The following NR1H4 variants were observed in gnomAD, a reference collection of about 807,000 sequenced individuals.
NR1H4 encodes the protein nuclear receptor subfamily 1 group H member 4.
In NR1H4, 23 loss-of-function variants were observed where a neutral mutation model predicts 58.5. The ratio of observed to expected loss-of-function variants is 0.39; its 90% CI spans 0.28 to 0.56. NR1H4 has a LOEUF of 0.56. Ranked by LOEUF, NR1H4 falls within the 20% of genes least tolerant of loss-of-function variation. The pLI is 0.58. For synonymous variants in NR1H4, 214 were observed against 198.0 expected (o/e 1.08, Z -0.68); for missense variants, 487 against 576.9 (o/e 0.84, Z 1.60).
chr12:100,489,394 G>A (rs1303423095), intron 1 of NR1H4, among the ~76,000 whole-genome samples: 1 of 152,110 alleles, frequency 6.6e-6, no homozygotes, highest in African/African-American at 2.4e-5. Context: ...TGCAACTACT[G>A]TACTCAACTC....
In NR1H4 at chr12:100,478,623, G is replaced by A. The variant is rs187988972; in HGVS notation, c.-190+4564G>A. Among the ~76,000 whole-genome samples the A allele has an allele frequency of 6.4e-4, 97 of 152,142 alleles. 1 individual carries two copies. The highest frequency in any genetic ancestry group is 2.3e-3 in the African/African-American group (96 of 41,522). On this transcript the variant is annotated intron_variant, in intron 1 of 10. Transcript: ENST00000392986. ...ATACATATCAAAACACTTTAATCTT[G>A]TTTAACCACTTCCTAATAGTTGATA...
chr12:100,521,590 C>G (rs1430111487), intron 4 of NR1H4, among the ~76,000 whole-genome samples: 1 of 152,186 alleles, frequency 6.6e-6, no homozygotes, highest in Non-Finnish European at 1.5e-5. Context: ...CTAAAAGATG[C>G]TGTCTGAGTA....
intron 4 of NR1H4, among the ~76,000 whole-genome samples, chr12:100,527,668 A>G (rs2136215972): frequency 6.6e-6 from 1 of 152,320 alleles, no homozygotes. Flanking sequence ...AGAAAGAGAT[A>G]ATAGTATGTG....
intron 5 of NR1H4, among the ~76,000 whole-genome samples, chr12:100,532,899 C>T (rs1044782043): frequency 1.8e-4 from 27 of 152,060 alleles, no homozygotes; most frequent in African/African-American, 5.6e-4. Context: ...TAATGAGCTA[C>T]GAATGACATC....
chr12:100,559,780 G>A (rs1389702830), intron 9 of NR1H4, among the ~76,000 whole-genome samples: 1 of 152,240 alleles, frequency 6.6e-6, no homozygotes, highest in African/African-American at 2.4e-5. Flanking sequence ...CAGGGCGCAT[G>A]ACTGGCAGAC....
intron 4 of NR1H4, among the ~76,000 whole-genome samples, chr12:100,518,220 T>C (rs1369156372): frequency 6.6e-6 from 1 of 152,116 alleles, no homozygotes; most frequent in Non-Finnish European, 1.5e-5. Context: ...GTGAGACCAG[T>C]GGGCCAAGGA....
intron 4 of NR1H4, among the ~76,000 whole-genome samples, chr12:100,517,737 A>G (rs1449029579): frequency 6.6e-6 from 1 of 152,192 alleles, no homozygotes; most frequent in Non-Finnish European, 1.5e-5. Context: ...GTGAGGTGAT[A>G]TCTCATTGTA....
intron 3 of NR1H4, among the ~76,000 whole-genome samples, chr12:100,503,132 ACCT>A (rs1264154279): frequency 6.6e-6 from 1 of 152,034 alleles, no homozygotes; most frequent in Non-Finnish European, 1.5e-5. Flanking sequence ...ATGGCACTTG[ACCT>A]CCAAGTCCAG....
At chr12:100,493,942 T>C (rs998005139) in intron 3 of NR1H4, among the ~76,000 whole-genome samples, 3 of 152,204 alleles carry the variant, frequency 2.0e-5, no homozygotes, top group Non-Finnish European at 4.4e-5. Context: ...TAAAATGATA[T>C]ATTGCTCCAC....
intron 1 of NR1H4, among the ~76,000 whole-genome samples, chr12:100,480,000 CTTA>C (rs1258741418): frequency 6.6e-6 from 1 of 152,216 alleles, no homozygotes; most frequent in Admixed American, 6.5e-5. Flanking sequence ...CTTTTACTTT[CTTA>C]TTATCCTCAT....
At chr12:100,535,464 T>C (rs1199966154) in intron 6 of NR1H4, among the ~76,000 whole-genome samples, 1 of 152,190 alleles carries the variant, frequency 6.6e-6, no homozygotes, top group Non-Finnish European at 1.5e-5. Flanking sequence ...TCCTACCCAC[T>C]GGGGTTACAA....
At chr12:100,503,099 G>A (rs1257833568) in intron 3 of NR1H4, among the ~76,000 whole-genome samples, 6 of 152,000 alleles carry the variant, frequency 3.9e-5, no homozygotes, top group African/African-American at 1.5e-4. Context: ...CTTTTGATGG[G>A]GACAAATGTC....
At chr12:100,516,790 C>T (rs1202710989) in intron 4 of NR1H4, among the ~76,000 whole-genome samples, 1 of 152,182 alleles carries the variant, frequency 6.6e-6, no homozygotes, top group Non-Finnish European at 1.5e-5. Context: ...ATTTCCAAAA[C>T]AAGCTAAGAT....
intron 1 of NR1H4, among the ~76,000 whole-genome samples, chr12:100,483,880 A>G (rs974195774): frequency 2.0e-5 from 3 of 149,832 alleles, no homozygotes; most frequent in Non-Finnish European, 4.4e-5. Context: ...ACTACTCGGG[A>G]GGCTGAGGCA....
At chr12:100,554,676 G>GT (rs1439989714) in intron 9 of NR1H4, among the ~76,000 whole-genome samples, 1 of 152,082 alleles carries the variant, frequency 6.6e-6, no homozygotes, top group Non-Finnish European at 1.5e-5. Context: ...AAAGTCTTTG[G>GT]TAGTTAAGTT....
At chr12:100,487,866 C>T (rs1953527873) in intron 1 of NR1H4, among the ~76,000 whole-genome samples, 2 of 152,070 alleles carry the variant, frequency 1.3e-5, no homozygotes, top group Non-Finnish European at 2.9e-5. Context: ...CCTGTCTCAG[C>T]CTCCCAAAGT....
intron 2 of NR1H4, 139 bp from the exon 3 acceptor site, chr12:100,493,131 A>G (rs768539598): frequency 2.4e-5 from 14 of 583,160 alleles, no homozygotes; most frequent in African/African-American, 3.7e-5. Context: ...GAAAAGATAC[A>G]TACAGAAAGG....
intron 9 of NR1H4, among the ~76,000 whole-genome samples, chr12:100,545,093 C>T (rs74809566): frequency 1.3e-5 from 2 of 152,074 alleles, no homozygotes; most frequent in Non-Finnish European, 2.9e-5. Context: ...CTTTCTTTCT[C>T]TGTCTCTTTT....
At chr12:100,559,209 C>CA (rs1955404153) in intron 9 of NR1H4, among the ~76,000 whole-genome samples, 2 of 152,198 alleles carry the variant, frequency 1.3e-5, no homozygotes, top group Admixed American at 1.3e-4. Flanking sequence ...TGAGAGGTGA[C>CA]AGCGTGCTGG....
Sources: gnomAD v4.1 joint callset for allele counts (sites outside exome capture counted in the v4.1 genomes callset) on GRCh38, gnomAD v4.1.1 for gene constraint, MANE v1.5 for transcripts, NCBI Gene and HGNC (gene_info 2026-07-23, HGNC 2026-07-21) for gene names.